Variants in TEX9 observed in about 807,000 individuals in gnomAD.
TEX9 encodes testis expressed 9, also known as testis-expressed protein 9.
A neutral mutation model predicts 59.6 loss-of-function variants in TEX9; 74 were observed. The ratio of observed to expected loss-of-function variants is 1.24; its 90% confidence interval spans 1.03 to 1.51. TEX9 has a LOEUF of 1.51. Ranked by LOEUF, TEX9 falls within the 40% of genes most tolerant of loss-of-function variation. The probability of loss-of-function intolerance (pLI) is 0.00; values close to 1 mark genes in which losing one functional copy is unlikely to be tolerated. For missense variants in TEX9, 522 were observed against 447.8 expected (o/e 1.17, Z -1.49); for synonymous variants, 186 against 152.2 (o/e 1.22, Z -1.64).
intron 1 of TEX9, among the ~76,000 whole-genome samples, chr15:56,255,607 C>G (rs550772944): frequency 2.0e-5 from 3 of 151,592 alleles, no homozygotes; most frequent in African/African-American, 7.3e-5. Context: ...AAGAATAATG[C>G]GAAAAGGGTT....
chr15:56,306,445 C>T (rs1006315410), intron 1 of TEX9, among the ~76,000 whole-genome samples: 18 of 151,996 alleles, frequency 1.2e-4, no homozygotes, highest in Non-Finnish European at 2.4e-4. Context: ...GAACAAGATC[C>T]TGTCATTTGC....
chr15:56,443,745 C>T lies in TEX9; in HGVS notation c.*30-1926C>T, dbSNP rs768102720. ...GCAAACTCTATGATTTTTCTGTTTTCTTCTTCCATCTCCTCACGTTTCTTT... is the reference window on the plus strand; with the variant it reads ...GCAAACTCTATGATTTTTCTGTTTTTTTCTTCCATCTCCTCACGTTTCTTT... On this transcript the variant is annotated intron_variant, in intron 12 of 12. Transcript: ENST00000352903. 1.9e-6 allele frequency: 3 copies of T among 1,613,076 alleles called. No individual in the cohort carries two copies. The South Asian group carries it at 3.3e-5, about 18-fold the overall frequency.
At chr15:56,449,796 G>A (rs1356985293), downstream of TEX9, among the ~76,000 whole-genome samples, 1 of 152,106 alleles carries the variant, frequency 6.6e-6, no homozygotes, top group Non-Finnish European at 1.5e-5. Context: ...AATGTGCTAA[G>A]AATTTATCTA....
chr15:56,421,284 C>T lies in TEX9; in HGVS notation c.964-6321C>T, dbSNP rs150517011. On this transcript the variant is annotated intron_variant, in intron 10 of 12. Transcript: ENST00000352903. ...TGTTAAATCCTCTTGAATGAATTGA[C>T]CTCTTATTATTTATTTATATTTATT... Among the ~76,000 whole-genome samples, 88 of 151,720 alleles carry T rather than the reference C, an allele frequency of 5.8e-4. 3 individuals are homozygous for T. Among genetic ancestry groups the T allele is most frequent in the African/African-American group, 2.1e-3 (86 of 41,152 alleles).
chr15:56,247,468 A>G (rs1369909089), intron 1 of TEX9, among the ~76,000 whole-genome samples: 4 of 152,216 alleles, frequency 2.6e-5, no homozygotes, highest in African/African-American at 9.7e-5. Flanking sequence ...GGAGTTGAGT[A>G]GGCAGAGCAA....
intron 1 of TEX9, among the ~76,000 whole-genome samples, chr15:56,352,411 A>AT (rs568700139): frequency 0.12 from 16,854 of 145,456 alleles, 1,111 homozygotes; most frequent in Admixed American, 0.21. Context: ...CGCCCAGCTA[A>AT]TTTTTTTTTT....
intron 1 of TEX9, among the ~76,000 whole-genome samples, chr15:56,299,183 G>C: frequency 6.6e-6 from 1 of 152,238 alleles, no homozygotes; most frequent in Non-Finnish European, 1.5e-5. Flanking sequence ...CCCAGCAGTA[G>C]CAATGGCCCT....
At chr15:56,256,844 G>T (rs941840705) in intron 1 of TEX9, among the ~76,000 whole-genome samples, 2 of 152,092 alleles carry the variant, frequency 1.3e-5, no homozygotes, top group African/African-American at 2.4e-5. Context: ...AGGTAAATGT[G>T]TGTCATGGGG....
Position 56,273,606 on chromosome 15 carries a change from A to G in TEX9, c.-107+29328A>G, listed in dbSNP as rs377305806. 6.6e-5 allele frequency among the ~76,000 whole-genome samples: 10 copies of G among 151,738 alleles called. No individual in the cohort carries two copies. In the East Asian group the frequency reaches 7.8e-4, roughly 12 times the overall value. On this transcript the variant is annotated intron_variant, in intron 1 of 5. Coordinates refer to the TEX9 transcript ENST00000560827. ...TTTGTGTAGATTTAAATTTCTGTCT[A>G]GCTCTGATTCTTTCTGAAGAAATTT...
At chr15:56,450,523 T>A (rs2050940524), downstream of TEX9, among the ~76,000 whole-genome samples, 1 of 152,240 alleles carries the variant, frequency 6.6e-6, no homozygotes, top group African/African-American at 2.4e-5. Context: ...TGTCCTTTTG[T>A]GTCTCGCTTA....
At chr15:56,419,448 G>T (rs1359706064) in intron 10 of TEX9, among the ~76,000 whole-genome samples, 1 of 151,818 alleles carries the variant, frequency 6.6e-6, no homozygotes, top group Non-Finnish European at 1.5e-5. Context: ...AAAACTGACT[G>T]CAGTTTCCTG....
In TEX9 at chr15:56,398,941, G is replaced by T. The variant is rs60750448; in HGVS notation, c.828+4107G>T. On this transcript the variant is annotated intron_variant, in intron 9 of 12. Transcript: ENST00000352903. ...GAGGTCAGGAGATCGAGACCATCCT[G>T]GCTAACATGGTGAAACCCTGTCTCT... 4.4e-3 allele frequency among the ~76,000 whole-genome samples: 670 copies of T among 152,232 alleles called. 12 individuals are homozygous for T. The highest frequency in any genetic ancestry group is 0.016 in the African/African-American group (654 of 41,534).
chr15:56,427,817 G>T (rs1717503862), intron 11 of TEX9, 78 bp downstream of exon 11: 2 of 1,169,198 alleles, frequency 1.7e-6, no homozygotes, highest in African/African-American at 3.2e-5. Context: ...TTCACTTTAG[G>T]TATGTTTTTG....
intron 1 of TEX9, among the ~76,000 whole-genome samples, chr15:56,356,130 T>G (rs575062949): frequency 1.5e-4 from 23 of 152,280 alleles, no homozygotes; most frequent in African/African-American, 5.3e-4. Flanking sequence ...TTGATTGGCC[T>G]CGTTATACAA....
At chr15:56,355,316 C>G (rs1445508328) in intron 1 of TEX9, among the ~76,000 whole-genome samples, 3 of 152,066 alleles carry the variant, frequency 2.0e-5, no homozygotes, top group Non-Finnish European at 2.9e-5. Context: ...TGTCAAATTA[C>G]TTTCTATATG....
chr15:56,452,122 T>C, the TEX9 span, among the ~76,000 whole-genome samples: 1 of 152,240 alleles, frequency 6.6e-6, no homozygotes, highest in Non-Finnish European at 1.5e-5. Flanking sequence ...TGTTTGCTTC[T>C]GTGTTGGGGG....
chr15:56,388,651 G>T, intron 5 of TEX9, 131 bp downstream of exon 5: 1 of 644,900 alleles, frequency 1.6e-6, no homozygotes. Flanking sequence ...GATACTCAGA[G>T]GGATGCATTT....
At chr15:56,318,992 G>A (rs1234009669) in intron 1 of TEX9, among the ~76,000 whole-genome samples, 9 of 151,968 alleles carry the variant, frequency 5.9e-5, no homozygotes, top group Non-Finnish European at 1.2e-4. Context: ...CTGTATTAAA[G>A]GTCTTCAATG....
intron 12 of TEX9, among the ~76,000 whole-genome samples, chr15:56,438,539 C>G (rs1458046939): frequency 2.0e-5 from 3 of 152,088 alleles, no homozygotes; most frequent in African/African-American, 7.2e-5. Context: ...ACCATAAAAA[C>G]CCTAGAAGAA....
Sources: allele counts gnomAD v4.1 joint callset (sites outside exome capture counted in the v4.1 genomes callset), GRCh38; gene constraint gnomAD v4.1.1; transcripts MANE v1.5; gene names NCBI Gene and HGNC (gene_info 2026-07-23, HGNC 2026-07-21).